The following OLFM4 variants were observed in gnomAD, a reference collection of about 807,000 sequenced individuals.
The protein encoded by OLFM4 is olfactomedin-4.
In OLFM4, 22 loss-of-function variants were observed where a neutral mutation model predicts 25.5. The observed-to-expected ratio is 0.86, with a 90% CI of 0.62 to 1.23. The LOEUF (loss-of-function observed/expected upper bound fraction) is 1.23. OLFM4 is among the 50% of genes most tolerant of loss of function. The pLI is 0.00. For missense variants in OLFM4, 594 were observed against 619.4 expected, an observed-to-expected ratio of 0.96 and a Z score of 0.44; for synonymous variants, 255 against 237.7, an observed-to-expected ratio of 1.07 and a Z score of -0.67.
Position 53,050,284 on chromosome 13 carries a change from C to T in OLFM4, c.1046C>T (p.Ala349Val). ...YVNMYNTGNIARVNLTTNTIA... is the reference protein window; with the variant it reads ...YVNMYNTGNIVRVNLTTNTIA... ...AACATGTACAACACCGGGAATATTG[C>T]CAGAGTTAACCTGACCACCAACACG... Residue 349 changes from alanine (A) to valine (V), a missense_variant, in exon 5 of 5, where the codon GCC becomes GTC. Transcript: ENST00000219022. 1.2e-6 allele frequency: 2 copies of T among 1,614,058 alleles called. No individual in the cohort carries two copies. The highest frequency in any genetic ancestry group is 1.7e-6 in the Non-Finnish European group (2 of 1,179,962).
chr13:53,038,977 T>A (rs964436958), intron 2 of OLFM4, among the ~76,000 whole-genome samples: 17 of 152,088 alleles, frequency 1.1e-4, no homozygotes, highest in African/African-American at 4.1e-4. Context: ...GAACCTTGAG[T>A]TTTTTCCTCA....
rs575200729 is a variant in OLFM4, at chr13:53,045,358, T to C, written c.730+2094T>C. Among the ~76,000 whole-genome samples, 204 of 152,314 alleles carry C rather than the reference T, an allele frequency of 1.3e-3. 2 individuals are homozygous for C. The South Asian group carries it at 0.041, about 31-fold the overall frequency. ...ACTTTCCCACAACCTTGGCTGTACC[T>C]GAATCCCTGCCAAGCCACTTGGCTC... On this transcript the variant is annotated intron_variant, in intron 4 of 4. Coordinates refer to ENST00000219022, the MANE Select transcript of OLFM4 (RefSeq NM_006418.5).
At chr13:53,039,787 T>C (rs150425384) in intron 2 of OLFM4, among the ~76,000 whole-genome samples, 16 of 152,312 alleles carry the variant, frequency 1.1e-4, no homozygotes, top group African/African-American at 3.4e-4. Flanking sequence ...CGAGTTATGG[T>C]ACATCCAATG....
intron 1 of OLFM4, among the ~76,000 whole-genome samples, chr13:53,030,688 C>T (rs1472511649): frequency 6.6e-6 from 1 of 152,174 alleles, no homozygotes; most frequent in Non-Finnish European, 1.5e-5. Context: ...AAGGTGAAGT[C>T]ATTAGTTTTA....
In OLFM4 at chr13:53,029,325, A is replaced by G. The variant is rs115959348; in HGVS notation, c.204+285A>G. ...CACATTAGAATGGGTGGCCGGGGGG[A>G]CTCTAAAAGTACAGATGCCTGGGTT... On this transcript the variant is annotated intron_variant, in intron 1 of 4. Transcript: ENST00000219022. Among the ~76,000 whole-genome samples, 643 of 151,996 alleles carry G rather than the reference A, an allele frequency of 4.2e-3. 5 individuals are homozygous for G. The highest frequency in any genetic ancestry group is 0.015 in the African/African-American group (624 of 41,454).
In OLFM4 at chr13:53,051,222, C is replaced by A. The variant is rs1436232343; in HGVS notation, c.*451C>A. On this transcript the variant is annotated 3_prime_UTR_variant, in exon 5 of 5. Coordinates refer to ENST00000219022, the MANE Select transcript of OLFM4 (RefSeq NM_006418.5). ...GGGACTTAGTTAGGTAGATTAATAT[C>A]TGGAGCTCCTCGAGGGACCAAATCT... The A allele has an allele frequency of 6.5e-6, 1 of 154,352 alleles. No homozygotes were observed. Among genetic ancestry groups the A allele is most frequent in the Non-Finnish European group, 1.4e-5 (1 of 69,738 alleles). 9.6% of individuals were successfully genotyped at this position (154,352 alleles called of 1,614,324 possible).
intron 4 of OLFM4, among the ~76,000 whole-genome samples, chr13:53,049,737 C>G (rs910713942): frequency 2.6e-5 from 4 of 152,068 alleles, no homozygotes; most frequent in Non-Finnish European, 5.9e-5. Flanking sequence ...GATTGAAAGC[C>G]CACCCATGGA....
Position 53,050,624 on chromosome 13 carries a change from G to A in OLFM4, c.1386G>A (p.Gly462=), listed in dbSNP as rs199789943. The A allele has an allele frequency of 1.5e-5, 25 of 1,613,990 alleles. No homozygotes were observed. Among genetic ancestry groups the A allele is most frequent in the Non-Finnish European group, 2.1e-5 (25 of 1,179,964 alleles). ...TTTACTATTATGACACAAACACAGG[G>A]AAAGAGGGCAAACTAGACATTGTAA... ...EIFYYYDTNT[G]KEGKLDIVMH... Residue 462 remains glycine (G), a synonymous_variant, in exon 5 of 5, where the codon GGG becomes GGA. Coordinates refer to ENST00000219022, the MANE Select transcript of OLFM4 (RefSeq NM_006418.5).
intron 2 of OLFM4, among the ~76,000 whole-genome samples, chr13:53,040,554 G>C (rs930929379): frequency 3.9e-5 from 6 of 152,306 alleles, no homozygotes; most frequent in African/African-American, 7.2e-5. Flanking sequence ...ATGGAAGGAG[G>C]GTGGTGTTGG....
rs1375517935 is a variant in OLFM4 at position 53,029,003 on chromosome 13, C to T, written c.167C>T (p.Ser56Phe). 2.5e-6 allele frequency: 4 copies of T among 1,614,094 alleles called. No individual in the cohort carries two copies. In the African/African-American group the frequency reaches 5.3e-5, roughly 22 times the overall value. Reference sequence around the variant, plus strand: ...TCCAGCTCCAGGTCGGGCTCCAGCTCCAGCCGCAGCTTAGGCAGCGGAGGT... The same window carrying T: ...TCCAGCTCCAGGTCGGGCTCCAGCTTCAGCCGCAGCTTAGGCAGCGGAGGT... ...FSSSSRSGSS[S>F]SRSLGSGGSV... is the part of the protein sequence containing the mutation. Residue 56 changes from serine to phenylalanine, a missense_variant, in exon 1 of 5, where the codon TCC becomes TTC. By Grantham distance (155) the Ser-to-Phe change is radical. Coordinates refer to ENST00000219022, the MANE Select transcript of OLFM4 (RefSeq NM_006418.5).
intron 1 of OLFM4, among the ~76,000 whole-genome samples, chr13:53,030,965 T>C (rs1022003028): frequency 2.6e-5 from 4 of 152,258 alleles, no homozygotes; most frequent in South Asian, 4.2e-4. Flanking sequence ...AGGTTAACAA[T>C]AATAATTTAT....
rs1303567666 is a variant in OLFM4, at chr13:53,034,446, C to T, written c.303C>T (p.Arg101=). 2 of 1,613,948 alleles carry T rather than the reference C, an allele frequency of 1.2e-6. No individual in the cohort carries two copies. Among genetic ancestry groups the T allele is most frequent in the Admixed American group, 1.7e-5 (1 of 59,990 alleles). Residue 101 remains arginine, a synonymous_variant, in exon 2 of 5, where the codon CGC becomes CGT. Coordinates refer to ENST00000219022, the MANE Select transcript of OLFM4 (RefSeq NM_006418.5). The part of the protein sequence containing the change: ...DTTFPVDRVE[R]LEFTAHVLSQ... ...CCTTTCCCGTGGACAGAGTGGAACG[C>T]TTGGAATTCACAGCTCATGTTCTTT... is the stretch of plus-strand genomic sequence containing the variant.
intron 1 of OLFM4, among the ~76,000 whole-genome samples, chr13:53,034,056 CAAAAAAAAAAA>C (rs397851637): frequency 7.3e-5 from 3 of 41,068 alleles, no homozygotes; most frequent in African/African-American, 1.4e-4. Context: ...GACTCCGTCT[CAAAAAAAAAAA>C]AAAAAAAAAA....
intron 2 of OLFM4, among the ~76,000 whole-genome samples, chr13:53,041,543 C>T (rs1338265323): frequency 6.6e-6 from 1 of 152,034 alleles, no homozygotes; most frequent in Non-Finnish European, 1.5e-5. Context: ...ACCTGCGAGA[C>T]AAAATAACCT....
intron 1 of OLFM4, among the ~76,000 whole-genome samples, chr13:53,029,632 A>G (rs1954618292): frequency 6.6e-6 from 1 of 152,006 alleles, no homozygotes; most frequent in Non-Finnish European, 1.5e-5. Context: ...ATAAGGGGGG[A>G]GTTACTGGTC....
intron 4 of OLFM4, 62 bp from the exon 5 acceptor site, chr13:53,049,907 A>T (rs1954736038): frequency 4.8e-6 from 7 of 1,452,350 alleles, no homozygotes; most frequent in Non-Finnish European, 5.6e-6. Context: ...AGGATATTAA[A>T]CTATTTGTAT....
intron 2 of OLFM4, among the ~76,000 whole-genome samples, chr13:53,036,622 C>T (rs1954660095): frequency 6.6e-6 from 1 of 151,736 alleles, no homozygotes; most frequent in African/African-American, 2.4e-5. Context: ...GCTCTGATCC[C>T]AAAAAAACTG....
At chr13:53,040,556 T>C (rs1305023916) in intron 2 of OLFM4, among the ~76,000 whole-genome samples, 2 of 152,096 alleles carry the variant, frequency 1.3e-5, no homozygotes, top group Admixed American at 1.3e-4. Flanking sequence ...GGAAGGAGGG[T>C]GGTGTTGGCC....
intron 1 of OLFM4, among the ~76,000 whole-genome samples, chr13:53,029,326 C>A (rs547019760): frequency 3.7e-4 from 57 of 152,184 alleles, no homozygotes; most frequent in Non-Finnish European, 7.5e-4. Context: ...GCCGGGGGGA[C>A]TCTAAAAGTA....
Sources: gnomAD v4.1 joint callset for allele counts (sites outside exome capture counted in the v4.1 genomes callset) on GRCh38, gnomAD v4.1.1 for gene constraint, MANE v1.5 for transcripts, NCBI Gene and HGNC (gene_info 2026-07-23, HGNC 2026-07-21) for gene names.